Variants in LMF1 observed in about 807,000 individuals in gnomAD.
LMF1 encodes transmembrane protein 112.
In LMF1, 68 loss-of-function variants were observed where a neutral mutation model predicts 60.6. The observed-to-expected ratio is 1.12, with a 90% confidence interval of 0.92 to 1.37. The LOEUF is 1.37. Among genes scored for constraint, LMF1 ranks in the 40% most tolerant of loss-of-function variants. The pLI is 0.00. For missense variants in LMF1, 948 were observed against 767.2 expected, an observed-to-expected ratio of 1.24 and a Z score of -2.78; for synonymous variants, 418 against 324.7, an observed-to-expected ratio of 1.29 and a Z score of -3.09.
At chr16:879,521 G>T in intron 6 of LMF1, 49 bp downstream of exon 6, 1 of 1,594,112 alleles carries the variant, frequency 6.3e-7, no homozygotes. Flanking sequence ...ATAGGGCGAC[G>T]GGCCAGCGTC....
At chr16:949,425 C>T (rs547451834) in intron 2 of LMF1, among the ~76,000 whole-genome samples, 248 of 145,222 alleles carry the variant, frequency 1.7e-3, no homozygotes, top group African/African-American at 4.8e-3. Flanking sequence ...AGTCAGCCAA[C>T]GACAGAGTCA....
chr16:951,184 C>T (rs1412310157), intron 2 of LMF1, among the ~76,000 whole-genome samples: 1 of 150,142 alleles, frequency 6.7e-6, no homozygotes, highest in East Asian at 2.0e-4. Flanking sequence ...CAGCCAACAA[C>T]AGTCAGCCAA....
In LMF1 at chr16:911,696, A is replaced by AGCAGCACTGGGGAGGCAGCACTGGGGAG. The variant is rs1369064182; in HGVS notation, c.515-645_515-618dup. On this transcript the variant is annotated intron_variant, in intron 3 of 10. Coordinates refer to ENST00000262301, the MANE Select transcript of LMF1 (RefSeq NM_022773.4). ...AGCACTGGGGGAGCAGCACTGGGGGAGCAGCACTGGGGAGGCAGCACTGGG... is the reference window on the plus strand; with the variant it reads ...AGCACTGGGGGAGCAGCACTGGGGGAGCAGCACTGGGGAGGCAGCACTGGGGAGGCAGCACTGGGGAGGCAGCACTGGG... Among the ~76,000 whole-genome samples, 4 of 64,992 alleles carry AGCAGCACTGGGGAGGCAGCACTGGGGAG rather than the reference A, an allele frequency of 6.2e-5. 1 individual carries two copies. The highest frequency in any genetic ancestry group is 3.4e-4 in the African/African-American group (4 of 11,830). The allele number at this position is 64,992 out of a possible 152,430, so 42.6% of individuals were successfully genotyped here. A position where few individuals can be genotyped will look rare whatever the true frequency, so the allele number is the denominator to read the frequency against.
chr16:945,818 A>G (rs904633350), intron 2 of LMF1, among the ~76,000 whole-genome samples: 5 of 152,178 alleles, frequency 3.3e-5, no homozygotes, highest in African/African-American at 1.2e-4. Flanking sequence ...TAGGAAATGA[A>G]GTAAGTCACG....
At position 954,062 on chromosome 16, in the gene LMF1, G is replaced by GCTTCCTACACGTCCACACAGACACAC. The variant is rs1567312834; in HGVS notation, c.503+294_503+295insGTGTGTCTGTGTGGACGTGTAGGAAG. Among the ~76,000 whole-genome samples the GCTTCCTACACGTCCACACAGACACAC allele has an allele frequency of 5.7e-4, 63 of 110,844 alleles. 10 individuals carry two copies. Among genetic ancestry groups the GCTTCCTACACGTCCACACAGACACAC allele is most frequent in the African/African-American group, 2.4e-3 (60 of 24,762 alleles). The allele number at this position is 110,844 out of a possible 152,430, so 72.7% of individuals were successfully genotyped here. A position where few individuals can be genotyped will look rare whatever the true frequency, so the allele number is the denominator to read the frequency against. ...CCTCCTACACGTCCACACAGACACA[G>GCTTCCTACACGTCCACACAGACACAC]ACCCACTGCTTCTGCCTCCCTTTCC... On this transcript the variant is annotated intron_variant, in intron 2 of 10. Transcript: ENST00000262301.
chr16:892,915 C>T lies in LMF1; in HGVS notation c.729+92G>A, dbSNP rs1041996959. On this transcript the variant is annotated intron_variant, in intron 5 of 10. Transcript: ENST00000262301. ...GGGGTGACCCTGTGATGCGACAGCTCACCAGGGTGTGCAGGACTGAGCCCC... is the reference window on the plus strand; with the variant it reads ...GGGGTGACCCTGTGATGCGACAGCTTACCAGGGTGTGCAGGACTGAGCCCC... 3.3e-5 allele frequency: 32 copies of T among 968,686 alleles called. No individual in the cohort carries two copies. In the East Asian group the frequency reaches 7.5e-4, roughly 23 times the overall value. 60.0% of individuals were successfully genotyped at this position (968,686 alleles called of 1,614,324 possible). A position where few individuals can be genotyped will look rare whatever the true frequency, so the allele number is the denominator to read the frequency against.
intron 6 of LMF1, chr16:873,255 GA>G (rs758709295): frequency 3.3e-5 from 5 of 152,450 alleles, no homozygotes; most frequent in Non-Finnish European, 5.9e-5. Flanking sequence ...TAGCATCACT[GA>G]GCCATCTCCT....
At chr16:858,076 G>GC (rs768995092) in intron 10 of LMF1, among the ~76,000 whole-genome samples, 72 of 69,508 alleles carry the variant, frequency 1.0e-3, no homozygotes, top group African/African-American at 3.0e-3. Context: ...GGATGGGTGT[G>GC]AGTGGTGTCT....
intron 10 of LMF1, among the ~76,000 whole-genome samples, chr16:857,159 G>A (rs374083394): frequency 3.9e-5 from 6 of 152,226 alleles, no homozygotes; most frequent in Non-Finnish European, 5.9e-5. Context: ...TTGTGCGGTC[G>A]CTCTCTTGTG....
Position 854,008 on chromosome 16 carries a change from A to C in LMF1, c.*524T>G, listed in dbSNP as rs1005510070. 2.2e-6 allele frequency: 1 copy of C among 454,044 alleles called. No homozygotes were observed. Among genetic ancestry groups the C allele is most frequent in the Non-Finnish European group, 4.4e-6 (1 of 226,878 alleles). The allele number at this position is 454,044 out of a possible 1,614,324, so 28.1% of individuals were successfully genotyped here. ...CAGAAAATGGCCCATCCAACCCCAC[A>C]TCCTGGCCGGGCGTGTCCAGGTCCC... is the stretch of plus-strand genomic sequence containing the variant. On this transcript the variant is annotated 3_prime_UTR_variant, in exon 11 of 11. Transcript: ENST00000262301.
chr16:951,432 G>A (rs2072465269), intron 2 of LMF1, among the ~76,000 whole-genome samples: 2 of 152,240 alleles, frequency 1.3e-5, no homozygotes, highest in Non-Finnish European at 2.9e-5. Context: ...GCTGTGCTCA[G>A]GGCTCCAGCG....
chr16:969,402 C>T (rs529820718), intron 1 of LMF1, among the ~76,000 whole-genome samples: 53 of 152,222 alleles, frequency 3.5e-4, no homozygotes, highest in Non-Finnish European at 6.5e-4. Flanking sequence ...ACTGCAATCC[C>T]ACAGGAAACC....
At chr16:919,880 G>A (rs1433704908) in intron 3 of LMF1, among the ~76,000 whole-genome samples, 7 of 152,032 alleles carry the variant, frequency 4.6e-5, no homozygotes, top group African/African-American at 1.4e-4. Context: ...GCTCCGCCCC[G>A]GGACCCCCTT....
chr16:922,352 C>T (rs1045026054), intron 3 of LMF1, among the ~76,000 whole-genome samples: 2 of 152,232 alleles, frequency 1.3e-5, no homozygotes, highest in Admixed American at 1.3e-4. Flanking sequence ...CCCCAGCCCA[C>T]AGCGACTGGT....
chr16:888,790 T>G (rs1226060504), intron 5 of LMF1, among the ~76,000 whole-genome samples: 1 of 151,972 alleles, frequency 6.6e-6, no homozygotes, highest in Non-Finnish European at 1.5e-5. Context: ...GGACACCACA[T>G]CTGGGGTGGG....
intron 3 of LMF1, among the ~76,000 whole-genome samples, chr16:928,217 G>T (rs74724122): frequency 3.9e-5 from 6 of 152,300 alleles, no homozygotes; most frequent in African/African-American, 1.4e-4. Flanking sequence ...CAGCCTCCAC[G>T]TGTTTTCAGC....
chr16:886,514 G>C (rs936114593), intron 5 of LMF1, among the ~76,000 whole-genome samples: 12 of 151,766 alleles, frequency 7.9e-5, no homozygotes, highest in African/African-American at 2.9e-4. Flanking sequence ...CCACCTGCCA[G>C]GCCAAGCCCC....
upstream of LMF1, among the ~76,000 whole-genome samples, chr16:972,921 C>T (rs1020765129): frequency 6.6e-6 from 1 of 152,186 alleles, no homozygotes; most frequent in African/African-American, 2.4e-5. Context: ...GCAGGGGTCC[C>T]ATCCACTGCC....
intron 5 of LMF1, among the ~76,000 whole-genome samples, chr16:891,064 G>A (rs1424192183): frequency 2.0e-5 from 3 of 152,250 alleles, no homozygotes; most frequent in African/African-American, 7.2e-5. Flanking sequence ...GGGCCTTTAA[G>A]GCACAGGAAG....
Sources: gnomAD v4.1 joint callset for allele counts (sites outside exome capture counted in the v4.1 genomes callset) on GRCh38, gnomAD v4.1.1 for gene constraint, MANE v1.5 for transcripts, NCBI Gene and HGNC (gene_info 2026-07-23, HGNC 2026-07-21) for gene names.